The following RERE variants were observed in gnomAD, a reference collection of about 807,000 sequenced individuals.
RERE encodes arginine-glutamic acid dipeptide repeats.
A neutral mutation model predicts 146.1 loss-of-function variants in RERE; 40 were observed. The ratio of observed to expected loss-of-function variants is 0.27; its 90% CI spans 0.21 to 0.36. The LOEUF is 0.36. Among genes scored for constraint, RERE ranks in the 10% least tolerant of loss-of-function variants. The pLI, the probability that RERE is intolerant of heterozygous loss-of-function variation, is 1.00. For missense variants in RERE, 1,933 were observed against 2,138.7 expected, an observed-to-expected ratio of 0.90 and a Z score of 1.90; for synonymous variants, 1,003 against 866.0, an observed-to-expected ratio of 1.16 and a Z score of -2.78.
chr1:8,475,887 G>C (rs902168763), intron 10 of RERE, among the ~76,000 whole-genome samples: 4 of 152,076 alleles, frequency 2.6e-5, no homozygotes, highest in Non-Finnish European at 4.4e-5. Context: ...AATGCTATTA[G>C]GTACCAGAGA....
At chr1:8,589,108 A>G (rs1215473625) in intron 4 of RERE, among the ~76,000 whole-genome samples, 1 of 152,046 alleles carries the variant, frequency 6.6e-6, no homozygotes, top group East Asian at 1.9e-4. Context: ...TGGGCAACTG[A>G]GCAGGACTCT....
chr1:8,579,733 G>A (rs907322144), intron 4 of RERE, among the ~76,000 whole-genome samples: 1 of 152,262 alleles, frequency 6.6e-6, no homozygotes, highest in African/African-American at 2.4e-5. Flanking sequence ...GCGGGGCACA[G>A]TGGCTCACGC....
intron 3 of RERE, among the ~76,000 whole-genome samples, chr1:8,620,590 T>C (rs535289022): frequency 3.3e-5 from 5 of 152,270 alleles, no homozygotes; most frequent in Admixed American, 1.3e-4. Flanking sequence ...CAATTAATCT[T>C]TTCATGCCAG....
intron 1 of RERE, among the ~76,000 whole-genome samples, chr1:8,695,694 A>T (rs12096843): frequency 0.013 from 1,972 of 150,000 alleles, 40 homozygotes; most frequent in African/African-American, 0.045. Flanking sequence ...TGGGAGGTGG[A>T]GGTTGCAGCG....
intron 7 of RERE, among the ~76,000 whole-genome samples, chr1:8,515,200 A>G (rs1235311123): frequency 6.6e-6 from 1 of 152,056 alleles, no homozygotes; most frequent in African/African-American, 2.4e-5. Context: ...CTTTATAAAA[A>G]ATGTTTTTTT....
chr1:8,548,199 T>A (rs184025103), intron 6 of RERE, among the ~76,000 whole-genome samples: 4 of 152,216 alleles, frequency 2.6e-5, no homozygotes, highest in Non-Finnish European at 5.9e-5. Context: ...GGAAGGATGA[T>A]CCAGCAAGTA....
chr1:8,437,126 T>C (rs770200922), intron 11 of RERE, among the ~76,000 whole-genome samples: 9 of 152,156 alleles, frequency 5.9e-5, no homozygotes, highest in African/African-American at 1.2e-4. Flanking sequence ...TTCGACCAAA[T>C]GCCAAAGTTC....
intron 6 of RERE, among the ~76,000 whole-genome samples, chr1:8,550,648 G>C (rs1645922768): frequency 6.6e-6 from 1 of 152,108 alleles, no homozygotes; most frequent in African/African-American, 2.4e-5. Context: ...CCAGGTTAAA[G>C]CGATTCTCCT....
rs1643196381 is a variant in RERE at position 8,400,087 on chromosome 1, C to T, written c.1284+22640G>A. Among the ~76,000 whole-genome samples the T allele has an allele frequency of 2.0e-5, 3 of 151,964 alleles. No individual in the cohort carries two copies. In the South Asian group the frequency reaches 6.3e-4, roughly 32 times the overall value. Reference sequence around the variant, plus strand: ...TGGTGGTGGTCCATAGGAATACTACCAATTTTTTAAAAATCTTTAAACTGT... The same window carrying T: ...TGGTGGTGGTCCATAGGAATACTACTAATTTTTTAAAAATCTTTAAACTGT... On this transcript the variant is annotated intron_variant, in intron 12 of 22. Coordinates refer to ENST00000400908, the MANE Select transcript of RERE (RefSeq NM_001042681.2).
chr1:8,581,743 T>G (rs1646368367), intron 4 of RERE, among the ~76,000 whole-genome samples: 1 of 152,202 alleles, frequency 6.6e-6, no homozygotes. Flanking sequence ...TTCATTTAAT[T>G]TTGCATTCAA....
chr1:8,573,858 T>C (rs1340883530), intron 4 of RERE, among the ~76,000 whole-genome samples: 1 of 152,214 alleles, frequency 6.6e-6, no homozygotes, highest in Admixed American at 6.5e-5. Flanking sequence ...CAGGCTGCAG[T>C]GCAGTGGCCC....
intron 1 of RERE, among the ~76,000 whole-genome samples, chr1:8,742,428 T>A (rs1640327542): frequency 6.6e-6 from 1 of 152,210 alleles, no homozygotes; most frequent in Non-Finnish European, 1.5e-5. Context: ...GGAGGAAATT[T>A]AGCCAAATCC....
Position 8,361,419 on chromosome 1 carries a change from C to G in RERE, c.2088G>C (p.Glu696Asp), listed in dbSNP as rs745587162. The change falls in exon 18 of 23, where the codon GAG (glutamate) becomes GAC (aspartate). Residue 696 changes from glutamate (E) to aspartate (D), a missense_variant. By Grantham distance (45) the Glu-to-Asp change is conservative. This residue lies in a region of RERE where 1,255 missense variants were observed against 1,153.8 expected (regional missense o/e 1.09). Coordinates refer to ENST00000400908, the MANE Select transcript of RERE (RefSeq NM_001042681.2). ...CGATGTCTTTGGGGTCACTGCTACC[C>G]TCATCGTTGACGCTGCGACTGTCTG... is the stretch of plus-strand genomic sequence containing the variant. ...ESSDSRSVND[E>D]GSSDPKDIDQ... 3 of 1,613,908 alleles carry G rather than the reference C, an allele frequency of 1.9e-6. No individual in the cohort carries two copies. Among genetic ancestry groups the G allele is most frequent in the South Asian group, 2.2e-5 (2 of 91,084 alleles).
At chr1:8,751,512 A>G (rs1640535524) in intron 1 of RERE, among the ~76,000 whole-genome samples, 1 of 152,334 alleles carries the variant, frequency 6.6e-6, no homozygotes. Flanking sequence ...CAGAGTGACT[A>G]AACTACACCG....
intron 7 of RERE, among the ~76,000 whole-genome samples, chr1:8,524,984 T>A (rs888407176): frequency 6.6e-6 from 1 of 152,220 alleles, no homozygotes; most frequent in Non-Finnish European, 1.5e-5. Context: ...TATCCGATTC[T>A]AAAACAGATA....
At position 8,466,013 on chromosome 1, in the gene RERE, C is replaced by G. The variant is rs1226625161; in HGVS notation, c.1115G>C (p.Ser372Thr). 1 of 1,608,772 alleles carries G rather than the reference C, an allele frequency of 6.2e-7. No individual in the cohort carries two copies. The highest frequency in any genetic ancestry group is 1.7e-5 in the Admixed American group (1 of 59,782). Residue 372 changes from serine to threonine, a missense_variant, in exon 11 of 23, where the codon AGC becomes ACC. Coordinates refer to ENST00000400908, the MANE Select transcript of RERE (RefSeq NM_001042681.2). ...TLNALNTLHE[S>T]GYDAGKALQR... ...CAGGGCTTTGCCAGCATCGTAACCG[C>G]TTTCATGCAGCTAAAACAACAACAA...
chr1:8,386,303 G>C (rs1472761495), intron 12 of RERE, among the ~76,000 whole-genome samples: 1 of 150,850 alleles, frequency 6.6e-6, no homozygotes, highest in Non-Finnish European at 1.5e-5. Context: ...GAATAAAATA[G>C]AGCCAAGAGA....
chr1:8,638,835 C>T (rs1348274072), intron 2 of RERE, among the ~76,000 whole-genome samples: 1 of 127,298 alleles, frequency 7.9e-6, no homozygotes, highest in East Asian at 2.4e-4. Flanking sequence ...GTCGCCTAGG[C>T]TGGAGTGCAG....
intron 1 of RERE, among the ~76,000 whole-genome samples, chr1:8,727,131 A>G (rs1026470459): frequency 9.4e-5 from 14 of 149,282 alleles, no homozygotes; most frequent in African/African-American, 3.5e-4. Flanking sequence ...GTGGATTAGT[A>G]GTCTTTTTTT....
Sources: gnomAD v4.1 joint callset for allele counts (sites outside exome capture counted in the v4.1 genomes callset) on GRCh38, gnomAD v4.1.1 for gene constraint, gnomAD v4.1.1 regional missense constraint, MANE v1.5 for transcripts, NCBI Gene and HGNC (gene_info 2026-07-23, HGNC 2026-07-21) for gene names.